Variants in KCNK13 observed in about 807,000 individuals in gnomAD.
The protein encoded by KCNK13 is potassium two pore domain channel subfamily K member 13.
A neutral mutation model predicts 23.4 loss-of-function variants in KCNK13; 12 were observed. The ratio of observed to expected loss-of-function variants is 0.51; its 90% CI spans 0.33 to 0.83. The LOEUF (loss-of-function observed/expected upper bound fraction) is 0.83, where lower values mean the gene tolerates loss of function less well. Ranked by LOEUF, KCNK13 falls within the 40% of genes least tolerant of loss-of-function variation. KCNK13 has a pLI of 0.02. For synonymous variants in KCNK13, 231 were observed against 229.5 expected, an observed-to-expected ratio of 1.01 and a Z score of -0.06; for missense variants, 463 against 556.3, an observed-to-expected ratio of 0.83 and a Z score of 1.69.
intron 1 of KCNK13, among the ~76,000 whole-genome samples, chr14:90,132,346 C>T (rs1317809474): frequency 6.6e-6 from 1 of 152,100 alleles, no homozygotes; most frequent in Non-Finnish European, 1.5e-5. Context: ...GAGTTTGAGA[C>T]CAGCCTGGCC....
At chr14:90,063,183 G>A (rs1207462694) in intron 1 of KCNK13, among the ~76,000 whole-genome samples, 4 of 152,172 alleles carry the variant, frequency 2.6e-5, no homozygotes, top group African/African-American at 9.7e-5. Flanking sequence ...GCACTCTAGA[G>A]TAGGAGAGAA....
rs1890539243 is a variant in KCNK13, at chr14:90,185,378, A to T, written c.*375A>T. The stretch of plus-strand genomic sequence containing the variant: ...AAGCTCTCTCTGTTCCTTATTTGGG[A>T]ACAAAAATTGCGAAGACTCATCTTT... On this transcript the variant is annotated 3_prime_UTR_variant, in exon 2 of 2. Transcript: ENST00000282146. 6.0e-6 allele frequency: 1 copy of T among 167,426 alleles called. No individual in the cohort carries two copies. The highest frequency in any genetic ancestry group is 6.1e-5 in the Admixed American group (1 of 16,384). 10.4% of individuals were successfully genotyped at this position (167,426 alleles called of 1,614,324 possible).
chr14:90,072,729 T>C (rs1045517390), intron 1 of KCNK13, among the ~76,000 whole-genome samples: 2 of 152,250 alleles, frequency 1.3e-5, no homozygotes, highest in Admixed American at 1.3e-4. Flanking sequence ...TCTATAAGTA[T>C]GTATGGACTA....
At chr14:90,089,449 G>A (rs546789757) in intron 1 of KCNK13, among the ~76,000 whole-genome samples, 11 of 152,306 alleles carry the variant, frequency 7.2e-5, no homozygotes, top group African/African-American at 2.6e-4. Flanking sequence ...GCATTCAAGA[G>A]GTGCTATTGA....
rs1284630518 is a variant in KCNK13, at chr14:90,125,617, A to G, written c.335-58494A>G. Among the ~76,000 whole-genome samples, 5 of 68,902 alleles carry G rather than the reference A, an allele frequency of 7.3e-5. No homozygotes were observed. The Admixed American group carries it at 9.5e-4, about 13-fold the overall frequency. 45.2% of individuals were successfully genotyped at this position (68,902 alleles called of 152,430 possible). A position where few individuals can be genotyped will look rare whatever the true frequency, so the allele number is the denominator to read the frequency against. On this transcript the variant is annotated intron_variant, in intron 1 of 1. Transcript: ENST00000282146. The stretch of plus-strand genomic sequence containing the variant: ...CACACACGCACACACACACACACAC[A>G]CACACACACGCGCACACACACACAA...
chr14:90,078,042 C>CTA (rs1330775947), intron 1 of KCNK13, among the ~76,000 whole-genome samples: 1 of 152,206 alleles, frequency 6.6e-6, no homozygotes, highest in African/African-American at 2.4e-5. Flanking sequence ...TAGAGACACG[C>CTA]TATACTATTT....
intron 1 of KCNK13, among the ~76,000 whole-genome samples, chr14:90,173,875 A>G (rs1890392317): frequency 6.6e-6 from 1 of 152,236 alleles, no homozygotes; most frequent in South Asian, 2.1e-4. Flanking sequence ...TATAAAGAAA[A>G]GAGGTTTAAT....
At chr14:90,128,385 A>T (rs1055543838) in intron 1 of KCNK13, among the ~76,000 whole-genome samples, 2 of 152,180 alleles carry the variant, frequency 1.3e-5, no homozygotes, top group African/African-American at 4.8e-5. Flanking sequence ...GGCATTTTTC[A>T]GGGGCCTCTT....
chr14:90,183,992 A>AAAGC, intron 1 of KCNK13, 119 bp from the exon 2 acceptor site: 1 of 878,530 alleles, frequency 1.1e-6, no homozygotes, highest in East Asian at 2.5e-5. Context: ...TAGAAAGACT[A>AAAGC]AGGCTGAGTG....
intron 1 of KCNK13, among the ~76,000 whole-genome samples, chr14:90,093,725 G>T (rs1392937462): frequency 2.6e-5 from 4 of 152,166 alleles, no homozygotes; most frequent in African/African-American, 9.7e-5. Flanking sequence ...GGCTGTCTCA[G>T]TTCCATAGGG....
At chr14:90,076,571 A>G (rs1383359699) in intron 1 of KCNK13, among the ~76,000 whole-genome samples, 1 of 152,066 alleles carries the variant, frequency 6.6e-6, no homozygotes, top group Non-Finnish European at 1.5e-5. Context: ...AAACCATGTC[A>G]GATTGTCCCT....
chr14:90,093,562 G>A (rs1403930523), intron 1 of KCNK13, among the ~76,000 whole-genome samples: 1 of 152,072 alleles, frequency 6.6e-6, no homozygotes, highest in Non-Finnish European at 1.5e-5. Flanking sequence ...AGGCACCCCT[G>A]GTCCTCCCCA....
chr14:90,139,068 A>C (rs1033758458), intron 1 of KCNK13, among the ~76,000 whole-genome samples: 1 of 152,210 alleles, frequency 6.6e-6, no homozygotes, highest in African/African-American at 2.4e-5. Context: ...GGATAGAATC[A>C]CATGGGACCA....
intron 1 of KCNK13, among the ~76,000 whole-genome samples, chr14:90,132,865 CT>C (rs1304217667): frequency 6.6e-6 from 1 of 152,194 alleles, no homozygotes; most frequent in East Asian, 1.9e-4. Context: ...TCATAACACC[CT>C]GAGAGACACT....
intron 1 of KCNK13, among the ~76,000 whole-genome samples, chr14:90,141,446 GTT>G: frequency 2.0e-5 from 3 of 151,500 alleles, no homozygotes; most frequent in South Asian, 2.1e-4. Context: ...GCCCTCTTGG[GTT>G]TTTTTGTTTT....
intron 1 of KCNK13, among the ~76,000 whole-genome samples, chr14:90,142,967 A>G (rs1433034162): frequency 6.6e-6 from 1 of 152,188 alleles, no homozygotes; most frequent in East Asian, 1.9e-4. Flanking sequence ...GAACTAGTGG[A>G]AGATAAGGGC....
At chr14:90,069,030 CTTTTTTTTT>C (rs34881625) in intron 1 of KCNK13, among the ~76,000 whole-genome samples, 10 of 90,100 alleles carry the variant, frequency 1.1e-4, no homozygotes, top group South Asian at 4.3e-4. Flanking sequence ...AGTTTTTATT[CTTTTTTTTT>C]TTTTTTTTTT....
At chr14:90,142,316 T>C (rs1890017797) in intron 1 of KCNK13, among the ~76,000 whole-genome samples, 2 of 43,490 alleles carry the variant, frequency 4.6e-5, no homozygotes, top group Non-Finnish European at 1.1e-4. Flanking sequence ...TCCAATTCTT[T>C]TTTTTTTTTT....
chr14:90,137,347 A>G (rs1404552240), intron 1 of KCNK13, among the ~76,000 whole-genome samples: 2 of 151,726 alleles, frequency 1.3e-5, no homozygotes, highest in African/African-American at 4.8e-5. Flanking sequence ...TTGAGATGGA[A>G]TCTTGCTCTG....
Sources: gnomAD v4.1 joint callset for allele counts (sites outside exome capture counted in the v4.1 genomes callset) on GRCh38, gnomAD v4.1.1 for gene constraint, MANE v1.5 for transcripts, NCBI Gene and HGNC (gene_info 2026-07-23, HGNC 2026-07-21) for gene names.